KDM7A: variants seen among roughly 807,000 people sequenced by gnomAD.
The protein encoded by KDM7A is lysine-specific demethylase 7A.
A neutral mutation model predicts 114.8 loss-of-function variants in KDM7A; 28 were observed. The ratio of observed to expected loss-of-function variants is 0.24; its 90% CI spans 0.18 to 0.33. KDM7A has a LOEUF of 0.33. Among genes scored for constraint, KDM7A ranks in the 10% least tolerant of loss-of-function variants. The pLI is 1.00. For missense variants in KDM7A, 942 were observed against 1,142.5 expected, an observed-to-expected ratio of 0.82 and a Z score of 2.53; for synonymous variants, 423 against 397.8, an observed-to-expected ratio of 1.06 and a Z score of -0.75.
At position 140,092,088 on chromosome 7, in the gene KDM7A, A is replaced by G. The variant is rs373942597; in HGVS notation, c.2458-11T>C. 6.2e-7 allele frequency: 1 copy of G among 1,613,404 alleles called. No individual in the cohort carries two copies. The highest frequency in any genetic ancestry group is 1.3e-5 in the African/African-American group (1 of 74,878). On this transcript the variant is annotated splice_polypyrimidine_tract_variant and intron_variant, in intron 18 of 19. Transcript: ENST00000397560. ...GCTTCTACTTAGATCCTGAAGGAGG[A>G]GGAAGGACATGAGGCTGAATTTTTA...
chr7:140,123,470 G>C (rs535274126), intron 7 of KDM7A, among the ~76,000 whole-genome samples: 1 of 152,086 alleles, frequency 6.6e-6, no homozygotes, highest in Non-Finnish European at 1.5e-5. Flanking sequence ...AACAAAATAC[G>C]GTAAAGCTGA....
rs1468788366 is a variant in KDM7A at position 140,176,654 on chromosome 7, C to G, written c.194+90G>C. The G allele has an allele frequency of 1.1e-6, 1 of 945,748 alleles. No homozygotes were observed. Among genetic ancestry groups the G allele is most frequent in the South Asian group, 4.8e-5 (1 of 21,046 alleles). 58.6% of individuals were successfully genotyped at this position (945,748 alleles called of 1,614,324 possible). A position where few individuals can be genotyped will look rare whatever the true frequency, so the allele number is the denominator to read the frequency against. On this transcript the variant is annotated intron_variant, in intron 1 of 19. Transcript: ENST00000397560. This position sits in a 1 kb window ranked among gnomAD's most constrained non-coding sequence, Gnocchi z 4.4. ...GAAAGCTGGGCGCGGCGCGGCGGCC[C>G]GGCCCGAGGGAGGCGCGGGCGGCCG...
chr7:140,138,870 A>C (rs1158801061), intron 2 of KDM7A, among the ~76,000 whole-genome samples: 1 of 152,194 alleles, frequency 6.6e-6, no homozygotes. Context: ...TATGTAGTTG[A>C]GTTTGGGGAC....
At chr7:140,127,306 A>G (rs186744174) in intron 5 of KDM7A, 136 bp downstream of exon 5, 5 of 744,796 alleles carry the variant, frequency 6.7e-6, no homozygotes, top group African/African-American at 5.3e-5. Context: ...GAGTGTCCCA[A>G]TGCAAAATTT....
chr7:140,110,565 T>A (rs1339174096), intron 11 of KDM7A, among the ~76,000 whole-genome samples: 2 of 152,172 alleles, frequency 1.3e-5, no homozygotes, highest in Non-Finnish European at 2.9e-5. Flanking sequence ...TCTTGAAGAA[T>A]TACTTTAAAA....
intron 1 of KDM7A, among the ~76,000 whole-genome samples, chr7:140,172,244 T>G (rs1794653294): frequency 6.6e-6 from 1 of 152,228 alleles, no homozygotes; most frequent in Non-Finnish European, 1.5e-5. Flanking sequence ...ATGCCAGGTC[T>G]TCTTCTAAGT....
Position 140,096,982 on chromosome 7 carries a change from G to A in KDM7A, c.2082C>T (p.Ser694=). ...SGDEKKQEIT[S]NFKEESNVMR... The stretch of plus-strand genomic sequence containing the variant: ...TCACATTAGATTCCTCCTTAAAGTT[G>A]GATGTTATTTCTTGTTTCTTTTCAT... Residue 694 remains serine, a synonymous_variant, in exon 16 of 20, where the codon TCC becomes TCT. Coordinates refer to ENST00000397560, the MANE Select transcript of KDM7A (RefSeq NM_030647.2). 1 of 1,612,454 alleles carries A rather than the reference G, an allele frequency of 6.2e-7. No individual in the cohort carries two copies. The highest frequency in any genetic ancestry group is 8.5e-7 in the Non-Finnish European group (1 of 1,178,670).
intron 18 of KDM7A, among the ~76,000 whole-genome samples, chr7:140,093,665 T>C (rs1023128199): frequency 6.6e-6 from 1 of 152,350 alleles, no homozygotes; most frequent in East Asian, 1.9e-4. Context: ...AGAAAGACAA[T>C]CTGTAACTTT....
At chr7:140,094,624 A>G (rs556290143) in intron 17 of KDM7A, 1 of 154,456 alleles carries the variant, frequency 6.5e-6, no homozygotes, top group South Asian at 2.0e-4. Flanking sequence ...TCAAAAACAA[A>G]AAGTCACCAA....
At position 140,091,907 on chromosome 7, in the gene KDM7A, T is replaced by G; in HGVS notation, c.2628A>C (p.Leu876=). 1 of 1,614,072 alleles carries G rather than the reference T, an allele frequency of 6.2e-7. No homozygotes were observed. The highest frequency in any genetic ancestry group is 2.2e-5 in the East Asian group (1 of 44,874). ...SGACQISNGS[L]SPERPVGETS... ...TTTCACCAACTGGCCTTTCTGGGCT[T>G]AGACTGCCATTACTTATCTGGCACG... The change falls in exon 19 of 20, where the codon CTA becomes CTC. Residue 876 remains leucine (L), a synonymous_variant. Transcript: ENST00000397560.
intron 1 of KDM7A, among the ~76,000 whole-genome samples, chr7:140,152,623 CAAAA>C (rs35127641): frequency 1.6e-5 from 2 of 128,932 alleles, no homozygotes; most frequent in African/African-American, 5.7e-5. Context: ...GACTCCGTTT[CAAAA>C]AAAAAAAAAA....
Position 140,176,967 on chromosome 7 carries a change from T to TACTCCGCTCGCC in KDM7A, c.-42_-31dup, listed in dbSNP as rs1048136931. The stretch of plus-strand genomic sequence containing the variant: ...AAAAAACACACACACGCTCGCTCGC[T>TACTCCGCTCGCC]ACTCCGCTCGCCGACTGGAGCGAGC... On this transcript the variant is annotated 5_prime_UTR_variant, in exon 1 of 20. Transcript: ENST00000397560. The surrounding 1 kb of genome is among the most constrained non-coding windows in gnomAD (Gnocchi z 4.4). 16 of 1,099,878 alleles carry TACTCCGCTCGCC rather than the reference T, an allele frequency of 1.5e-5. No homozygotes were observed. The highest frequency in any genetic ancestry group is 1.7e-5 in the African/African-American group (1 of 59,268). The allele number at this position is 1,099,878 out of a possible 1,614,324, so 68.1% of individuals were successfully genotyped here.
intron 10 of KDM7A, among the ~76,000 whole-genome samples, chr7:140,111,903 C>A (rs1255905993): frequency 6.6e-6 from 1 of 151,534 alleles, no homozygotes; most frequent in African/African-American, 2.4e-5. Context: ...CGAGATTGTG[C>A]CACTACACTC....
At chr7:140,127,111 C>T (rs1043012385) in intron 5 of KDM7A, among the ~76,000 whole-genome samples, 1 of 152,120 alleles carries the variant, frequency 6.6e-6, no homozygotes, top group African/African-American at 2.4e-5. Context: ...CAGGCATGTG[C>T]CACCATGCCC....
chr7:140,097,700 G>T, intron 14 of KDM7A, 58 bp from the exon 15 acceptor site: 1 of 967,232 alleles, frequency 1.0e-6, no homozygotes, highest in Non-Finnish European at 1.7e-6. Context: ...GATGAACAAG[G>T]TGACAAGATG....
intron 17 of KDM7A, among the ~76,000 whole-genome samples, chr7:140,096,199 CA>C (rs1191007950): frequency 6.6e-6 from 1 of 152,096 alleles, no homozygotes; most frequent in African/African-American, 2.4e-5. Context: ...TTTTTCCTCT[CA>C]TAAAAGGAAA....
chr7:140,171,551 A>G (rs1231394304), intron 1 of KDM7A, among the ~76,000 whole-genome samples: 24 of 131,940 alleles, frequency 1.8e-4, no homozygotes, highest in African/African-American at 6.9e-4. Context: ...TTATAAATAT[A>G]TATTTATTTT....
chr7:140,131,002 C>A (rs181291855), intron 3 of KDM7A, among the ~76,000 whole-genome samples: 1 of 150,416 alleles, frequency 6.6e-6, no homozygotes, highest in African/African-American at 2.5e-5. Context: ...TACAGGCGCC[C>A]GCCACCACGC....
chr7:140,169,558 C>T (rs559888199), intron 1 of KDM7A, among the ~76,000 whole-genome samples: 1 of 152,220 alleles, frequency 6.6e-6, no homozygotes, highest in Non-Finnish European at 1.5e-5. Flanking sequence ...CAAAGTCTCG[C>T]TCTGTCGCCC....
Sources: gnomAD v4.1 joint callset for allele counts (sites outside exome capture counted in the v4.1 genomes callset) on GRCh38, gnomAD v4.1.1 for gene constraint, Gnocchi (gnomAD v3.1) non-coding constraint, MANE v1.5 for transcripts, NCBI Gene and HGNC (gene_info 2026-07-23, HGNC 2026-07-21) for gene names.